The following FANCA variants were observed in gnomAD, a reference collection of about 807,000 sequenced individuals.
FANCA encodes FA complementation group A.
In FANCA, 236 loss-of-function variants were observed where a neutral mutation model predicts 194.3. The ratio of observed to expected loss-of-function variants is 1.21; its 90% CI spans 1.09 to 1.35. The LOEUF (loss-of-function observed/expected upper bound fraction) is 1.35. Ranked by LOEUF, FANCA falls within the 40% of genes most tolerant of loss-of-function variation. The probability of loss-of-function intolerance (pLI) is 0.00; values close to 1 mark genes in which losing one functional copy is unlikely to be tolerated. For missense variants in FANCA, 2,628 were observed against 1,813.9 expected, an observed-to-expected ratio of 1.45 and a Z score of -8.15; for synonymous variants, 1,014 against 715.8, an observed-to-expected ratio of 1.42 and a Z score of -6.65.
At chr16:89,743,059 A>G (rs2062174556) in intron 36 of FANCA, 121 bp from the exon 37 acceptor site, 2 of 1,187,244 alleles carry the variant, frequency 1.7e-6, no homozygotes, top group African/African-American at 1.5e-5. Context: ...AGGACAGAGA[A>G]GGGTTTCAGG....
At position 89,778,841 on chromosome 16, in the gene FANCA, C is replaced by T. The variant is rs1391415619; in HGVS notation, c.1786G>A (p.Val596Ile). 6.2e-7 allele frequency: 1 copy of T among 1,613,988 alleles called. No homozygotes were observed. Among genetic ancestry groups the T allele is most frequent in the Non-Finnish European group, 8.5e-7 (1 of 1,180,014 alleles). ...ALLTPRVLPK[V>I]PDSRVAFIES... ...ATAAACGCCACACGGGAGTCAGGGA[C>T]TTTGGGGAGCTGTGGGAAGAGAAGA... The change falls in exon 20 of 43, where the codon GTC becomes ATC. Residue 596 changes from valine to isoleucine, a missense_variant. Val to Ile is a conservative substitution (Grantham distance 29, BLOSUM62 3). Transcript: ENST00000389301.
intron 20 of FANCA, chr16:89,778,464 T>TAAAAAAA: frequency 9.8e-6 from 2 of 203,216 alleles, no homozygotes; most frequent in Non-Finnish European, 8.9e-6. Flanking sequence ...AGACTCCATC[T>TAAAAAAA]AAAAAAAAAA....
chr16:89,784,778 G>A (rs1165298866), intron 15 of FANCA, 76 bp downstream of exon 15: 1 of 1,128,178 alleles, frequency 8.9e-7, no homozygotes, highest in Non-Finnish European at 1.4e-6. Context: ...AGGCTCTTGG[G>A]GAGGCCAAGG....
At chr16:89,785,028 T>C in intron 14 of FANCA, 64 bp from the exon 15 acceptor site, 1 of 1,161,554 alleles carries the variant, frequency 8.6e-7, no homozygotes, top group Non-Finnish European at 1.3e-6. Context: ...CTAGGCAGTG[T>C]CCTGTGTGGA....
At chr16:89,782,695 C>T (rs1454519954) in intron 17 of FANCA, among the ~76,000 whole-genome samples, 164 bp downstream of exon 17, 3 of 152,092 alleles carry the variant, frequency 2.0e-5, no homozygotes, top group Non-Finnish European at 4.4e-5. Flanking sequence ...AGGTGGGACA[C>T]AGCAACACAG....
intron 21 of FANCA, among the ~76,000 whole-genome samples, chr16:89,775,255 C>G (rs1225234013): frequency 6.6e-6 from 1 of 152,162 alleles, no homozygotes; most frequent in Non-Finnish European, 1.5e-5. Context: ...CAGCCTTTCA[C>G]GGATTCCCAA....
At chr16:89,773,773 C>G (rs1329150002) in intron 21 of FANCA, among the ~76,000 whole-genome samples, 2 of 135,516 alleles carry the variant, frequency 1.5e-5, no homozygotes, top group African/African-American at 5.5e-5. Context: ...GTTCCTCAAA[C>G]TTTTTTTTTT....
At chr16:89,815,450 G>A (rs1160773612) in intron 2 of FANCA, among the ~76,000 whole-genome samples, 1 of 147,536 alleles carries the variant, frequency 6.8e-6, no homozygotes, top group Non-Finnish European at 1.5e-5. Flanking sequence ...CCCGGGTCCA[G>A]GTTCAAGCAA....
Position 89,783,051 on chromosome 16 carries a change from T to C in FANCA, c.1522A>G (p.Thr508Ala), listed in dbSNP as rs2143460782. ...GTCTTGGCCAATGAGATGTAGTCTGTGAGGAGGGAGCGGTACTTGCCGGGA... is the reference window on the plus strand; with the variant it reads ...GTCTTGGCCAATGAGATGTAGTCTGCGAGGAGGGAGCGGTACTTGCCGGGA... ...LVPGKYRSLL[T>A]DYISLAKTRL... The change falls in exon 16 of 43, where the codon ACA becomes GCA. Residue 508 changes from threonine to alanine, a missense_variant. Physicochemically the swap from Thr to Ala is moderately conservative, Grantham distance 58. Coordinates refer to ENST00000389301, the MANE Select transcript of FANCA (RefSeq NM_000135.4). 2 of 1,613,854 alleles carry C rather than the reference T, an allele frequency of 1.2e-6. No homozygotes were observed. Among genetic ancestry groups the C allele is most frequent in the East Asian group, 4.5e-5 (2 of 44,862 alleles).
At position 89,805,191 on chromosome 16, in the gene FANCA, T is replaced by C. The variant is rs2040593194; in HGVS notation, c.709+89A>G. The stretch of plus-strand genomic sequence containing the variant: ...CCACGGCCACGGAGAGACAGGCTGT[T>C]CTGCCTCGCAGAGCTCTTGAGAGCA... On this transcript the variant is annotated intron_variant, in intron 7 of 42. Transcript: ENST00000389301. 3 of 999,204 alleles carry C rather than the reference T, an allele frequency of 3.0e-6. No individual in the cohort carries two copies. In the Admixed American group the frequency reaches 5.9e-5, roughly 20 times the overall value. 61.9% of individuals were successfully genotyped at this position (999,204 alleles called of 1,614,324 possible).
chr16:89,778,092 G>A (rs1006384543), intron 20 of FANCA, among the ~76,000 whole-genome samples: 2 of 149,698 alleles, frequency 1.3e-5, no homozygotes, highest in East Asian at 2.0e-4. Context: ...AACCCAGGAG[G>A]TGGAGGGTGC....
intron 26 of FANCA, chr16:89,769,630 T>C (rs1318777850): frequency 1.6e-6 from 1 of 636,426 alleles, no homozygotes; most frequent in Non-Finnish European, 2.8e-6. Flanking sequence ...TATAATATGA[T>C]CTCATTTTTA....
At chr16:89,770,772 T>C (rs56362081) in intron 23 of FANCA, 138 bp from the exon 24 acceptor site, 4 of 759,240 alleles carry the variant, frequency 5.3e-6, no homozygotes, top group South Asian at 3.1e-5. Context: ...TTGGAGGGCA[T>C]GTTACAATGC....
chr16:89,751,191 C>A (rs1161227937), intron 31 of FANCA, among the ~76,000 whole-genome samples: 1 of 152,066 alleles, frequency 6.6e-6, no homozygotes, highest in East Asian at 1.9e-4. Flanking sequence ...CCGTGCCTGG[C>A]CGGCTGTATT....
intron 20 of FANCA, chr16:89,778,323 G>A (rs1039448254): frequency 3.0e-6 from 1 of 334,364 alleles, no homozygotes; most frequent in Non-Finnish European, 5.7e-6. Flanking sequence ...AAAATTAGCA[G>A]GGCGTGGTGG....
At chr16:89,772,232 C>G (rs1407869731) in intron 22 of FANCA, among the ~76,000 whole-genome samples, 2 of 152,216 alleles carry the variant, frequency 1.3e-5, no homozygotes, top group Non-Finnish European at 2.9e-5. Context: ...CTTTTAGAAA[C>G]AGGACTCACC....
intron 8 of FANCA, 126 bp from the exon 9 acceptor site, chr16:89,799,764 C>T (rs1276551395): frequency 1.3e-5 from 10 of 777,254 alleles, no homozygotes; most frequent in Non-Finnish European, 2.2e-5. Context: ...GAGGCCGAGG[C>T]GGGCGGATCA....
chr16:89,741,259 G>A (rs978314637), intron 37 of FANCA, among the ~76,000 whole-genome samples: 4 of 152,224 alleles, frequency 2.6e-5, no homozygotes, highest in African/African-American at 9.6e-5. Flanking sequence ...GCCTGACTGG[G>A]CAGGGTCTCT....
At chr16:89,809,550 C>A (rs1394394293) in intron 5 of FANCA, among the ~76,000 whole-genome samples, 2 of 151,798 alleles carry the variant, frequency 1.3e-5, no homozygotes, top group Non-Finnish European at 2.9e-5. Context: ...CTCATCTCTA[C>A]TAAAGATACA....
Sources: gnomAD v4.1 joint callset for allele counts (sites outside exome capture counted in the v4.1 genomes callset) on GRCh38, gnomAD v4.1.1 for gene constraint, MANE v1.5 for transcripts, NCBI Gene and HGNC (gene_info 2026-07-23, HGNC 2026-07-21) for gene names.